MDFIC: variants seen among roughly 807,000 people sequenced by gnomAD.
MDFIC encodes MyoD family inhibitor domain containing.
In MDFIC, 17 loss-of-function variants were observed where a neutral mutation model predicts 23.2. The observed-to-expected ratio is 0.73, with a 90% CI of 0.50 to 1.10. MDFIC has a LOEUF of 1.10. Among genes scored for constraint, MDFIC ranks in the 50% least tolerant of loss-of-function variants. MDFIC has a pLI of 0.00. For synonymous variants in MDFIC, 120 were observed against 115.2 expected (o/e 1.04, Z -0.27); for missense variants, 356 against 316.6 (o/e 1.12, Z -0.95).
chr7:114,997,687 G>A (rs1791364460), intron 4 of MDFIC, among the ~76,000 whole-genome samples: 1 of 151,628 alleles, frequency 6.6e-6, no homozygotes, highest in African/African-American at 2.4e-5. Flanking sequence ...GCCTGAGGCT[G>A]TGGTGAGCTA....
At chr7:115,001,784 C>T (rs1339454034) in intron 4 of MDFIC, among the ~76,000 whole-genome samples, 2 of 152,198 alleles carry the variant, frequency 1.3e-5, no homozygotes, top group East Asian at 3.9e-4. Flanking sequence ...CACCTACTGG[C>T]TCTTGAACTC....
At chr7:114,989,420 G>T (rs986474118) in intron 4 of MDFIC, among the ~76,000 whole-genome samples, 1 of 152,056 alleles carries the variant, frequency 6.6e-6, no homozygotes, top group African/African-American at 2.4e-5. Context: ...AAGTCCAGAA[G>T]GGTTGTTTTC....
intron 3 of MDFIC, among the ~76,000 whole-genome samples, chr7:114,962,311 T>C (rs1261165738): frequency 2.0e-5 from 3 of 152,194 alleles, no homozygotes; most frequent in Non-Finnish European, 4.4e-5. Context: ...TGATCTTTGA[T>C]AATCAATGAG....
intron 3 of MDFIC, among the ~76,000 whole-genome samples, chr7:114,978,373 A>T (rs1046356920): frequency 1.3e-4 from 20 of 152,130 alleles, no homozygotes; most frequent in Non-Finnish European, 2.4e-4. Context: ...GAGAATTAAC[A>T]TAATTAACAT....
At chr7:114,998,257 G>T (rs568598305) in intron 4 of MDFIC, among the ~76,000 whole-genome samples, 1 of 152,228 alleles carries the variant, frequency 6.6e-6, no homozygotes, top group Admixed American at 6.5e-5. Context: ...TAGTATCAAA[G>T]TGTTATTCAT....
chr7:114,940,274 A>T (rs1273864570), intron 2 of MDFIC, among the ~76,000 whole-genome samples: 1 of 152,198 alleles, frequency 6.6e-6, no homozygotes, highest in Non-Finnish European at 1.5e-5. Context: ...CTCGGTCCCA[A>T]GTGGGTGTCT....
At chr7:114,959,953 T>C (rs1347218602) in intron 3 of MDFIC, among the ~76,000 whole-genome samples, 2 of 151,986 alleles carry the variant, frequency 1.3e-5, no homozygotes, top group Non-Finnish European at 2.9e-5. Flanking sequence ...TAGTTAGACA[T>C]TGTAAAGGTG....
intron 4 of MDFIC, among the ~76,000 whole-genome samples, chr7:114,993,868 T>C (rs1024239577): frequency 1.3e-5 from 2 of 152,094 alleles, no homozygotes; most frequent in African/African-American, 2.4e-5. Flanking sequence ...ATTAGGTCTG[T>C]TTGGTGCAGA....
chr7:114,951,977 C>T (rs529505447), intron 3 of MDFIC, among the ~76,000 whole-genome samples: 6 of 152,164 alleles, frequency 3.9e-5, no homozygotes, highest in South Asian at 2.1e-4. Flanking sequence ...AAGCCAGGCA[C>T]GGGGGTCCTT....
intron 2 of MDFIC, chr7:114,934,006 GTTCT>G (rs1792379497): frequency 3.9e-5 from 6 of 152,192 alleles, no homozygotes; most frequent in Admixed American, 3.9e-4. Flanking sequence ...TCCTTGGCCT[GTTCT>G]TGGGAATGTT....
At chr7:115,014,557 C>CTT in intron 4 of MDFIC, 5 of 1,269,098 alleles carry the variant, frequency 3.9e-6, no homozygotes, top group Non-Finnish European at 5.1e-6. Context: ...GTTGTTGTGT[C>CTT]TTATCGCTAT....
chr7:115,015,424 G>T (rs1791775631), intron 4 of MDFIC, among the ~76,000 whole-genome samples: 1 of 152,050 alleles, frequency 6.6e-6, no homozygotes, highest in Non-Finnish European at 1.5e-5. Context: ...TGCACAGTTT[G>T]TGAGAGTAAT....
At chr7:114,930,704 A>G (rs879769995) in intron 2 of MDFIC, among the ~76,000 whole-genome samples, 1 of 152,232 alleles carries the variant, frequency 6.6e-6, no homozygotes, top group Admixed American at 6.5e-5. Flanking sequence ...ATGAGGAAAC[A>G]TCAATTGACA....
At chr7:114,922,767 C>G in intron 1 of MDFIC, 131 bp downstream of exon 1, 1 of 1,217,200 alleles carries the variant, frequency 8.2e-7, no homozygotes, top group East Asian at 3.3e-5. Context: ...CCGCCGCTGT[C>G]AACTTGCGCT....
chr7:114,923,450 C>T lies in MDFIC; in HGVS notation c.94+323C>T, dbSNP rs928359271. The T allele has an allele frequency of 4.6e-6, 7 of 1,537,514 alleles. No individual in the cohort carries two copies. The African/African-American group carries it at 9.6e-5, about 21-fold the overall frequency. On this transcript the variant is annotated intron_variant, in intron 2 of 4. Coordinates refer to ENST00000393486, the MANE Select transcript of MDFIC (RefSeq NM_001166345.3). ...TCAATGTGTAGGTTCTGAAGCGCTT[C>T]TCCTCTAGGTCTCTTCAGCAGATCC...
chr7:114,983,563 C>CTTTTTTTTTTTTTTTTTTT (rs11388500), intron 4 of MDFIC, among the ~76,000 whole-genome samples: 1 of 88,310 alleles, frequency 1.1e-5, no homozygotes, highest in Non-Finnish European at 2.1e-5. Context: ...TCATCAGGTA[C>CTTTTTTTTTTTTTTTTTTT]TTTTTTTTTT....
At chr7:114,945,779 A>G (rs1792631989) in intron 3 of MDFIC, among the ~76,000 whole-genome samples, 1 of 152,198 alleles carries the variant, frequency 6.6e-6, no homozygotes, top group Non-Finnish European at 1.5e-5. Context: ...ATTAAAAACA[A>G]TGGAGGTTTT....
At chr7:114,948,586 C>G (rs1261759933) in intron 3 of MDFIC, among the ~76,000 whole-genome samples, 1 of 152,120 alleles carries the variant, frequency 6.6e-6, no homozygotes, top group Non-Finnish European at 1.5e-5. Flanking sequence ...TCTCTCCCTC[C>G]CATTCTTTTG....
intron 4 of MDFIC, among the ~76,000 whole-genome samples, chr7:114,989,223 A>G (rs896336393): frequency 2.6e-5 from 4 of 152,186 alleles, no homozygotes; most frequent in African/African-American, 9.7e-5. Flanking sequence ...AGAGAACTAT[A>G]TCAAGGTGCA....
Sources: allele counts gnomAD v4.1 joint callset (sites outside exome capture counted in the v4.1 genomes callset), GRCh38; gene constraint gnomAD v4.1.1; transcripts MANE v1.5; gene names NCBI Gene and HGNC (gene_info 2026-07-23, HGNC 2026-07-21).